CAP2: variants seen among roughly 807,000 people sequenced by gnomAD.
The protein encoded by CAP2 is cyclase associated actin cytoskeleton regulatory protein 2, also known as adenylyl cyclase-associated protein 2.
CAP2 carries 24 observed loss-of-function variants against 57.7 expected under a neutral mutation model. That is an observed-to-expected ratio of 0.42 (90% CI 0.30 to 0.58). The LOEUF (loss-of-function observed/expected upper bound fraction) is 0.58. Among genes scored for constraint, CAP2 ranks in the 20% least tolerant of loss-of-function variants. CAP2 has a pLI of 0.22. For missense variants in CAP2, 501 were observed against 590.3 expected, an observed-to-expected ratio of 0.85 and a Z score of 1.57; for synonymous variants, 194 against 207.2, an observed-to-expected ratio of 0.94 and a Z score of 0.55.
In CAP2 at chr6:17,509,016, A is replaced by G. The variant is rs553341408; in HGVS notation, c.530+1290A>G. 2.0e-5 allele frequency among the ~76,000 whole-genome samples: 3 copies of G among 152,066 alleles called. No homozygotes were observed. The South Asian group carries it at 6.2e-4, about 32-fold the overall frequency. ...GTGATCCGCCCACCTCAGCCTCCCA[A>G]AGTGTTGGGATTGTAGGCATGAGCC... On this transcript the variant is annotated intron_variant, in intron 6 of 12. Coordinates refer to ENST00000229922, the MANE Select transcript of CAP2 (RefSeq NM_006366.3).
At chr6:17,426,774 CTTTA>C (rs1759602817) in intron 3 of CAP2, 84 bp downstream of exon 3, 2 of 874,766 alleles carry the variant, frequency 2.3e-6, no homozygotes, top group Non-Finnish European at 1.9e-6. Flanking sequence ...CTGAGGAGAT[CTTTA>C]TTTATTTATT....
At chr6:17,454,187 G>A (rs1282641733) in intron 3 of CAP2, among the ~76,000 whole-genome samples, 2 of 151,898 alleles carry the variant, frequency 1.3e-5, no homozygotes, top group African/African-American at 4.8e-5. Flanking sequence ...TGGGATTACG[G>A]GCATGAGCCA....
At chr6:17,492,158 C>T (rs1324714566) in intron 4 of CAP2, among the ~76,000 whole-genome samples, 2 of 152,220 alleles carry the variant, frequency 1.3e-5, no homozygotes, top group African/African-American at 2.4e-5. Flanking sequence ...ATCTTAGAAA[C>T]GCAGAGAAAT....
chr6:17,482,674 T>C (rs1271865280), intron 4 of CAP2, among the ~76,000 whole-genome samples: 3 of 152,188 alleles, frequency 2.0e-5, no homozygotes, highest in African/African-American at 7.2e-5. Flanking sequence ...ACTCCGTCTT[T>C]ATGTTCACGT....
rs756523139 is a variant in CAP2, at chr6:17,513,913, A to G, written c.595A>G (p.Ile199Val). The G allele has an allele frequency of 6.2e-7, 1 of 1,613,762 alleles. No individual in the cohort carries two copies. The highest frequency in any genetic ancestry group is 8.5e-7 in the Non-Finnish European group (1 of 1,179,634). The change falls in exon 7 of 13, where the codon ATC becomes GTC. Residue 199 changes from isoleucine (I) to valine (V), a missense_variant. Physicochemically the swap from Ile to Val is conservative, Grantham distance 29. Transcript: ENST00000229922. The surrounding 1 kb of genome is among the most constrained non-coding windows in gnomAD (Gnocchi z 4.3). ...LNIWSELQAYIKEHHTTGLTW... is the reference protein window; with the variant it reads ...LNIWSELQAYVKEHHTTGLTW... ...CATTTGGAGTGAACTTCAAGCATAC[A>G]TCAAGGAACACCACACCACGGGCCT...
intron 4 of CAP2, among the ~76,000 whole-genome samples, chr6:17,496,481 G>T (rs553773547): frequency 2.0e-5 from 3 of 150,448 alleles, no homozygotes; most frequent in East Asian, 3.9e-4. Context: ...GCTCTGTTTT[G>T]TTTTTTTTTC....
intron 4 of CAP2, among the ~76,000 whole-genome samples, chr6:17,465,505 C>T (rs955618389): frequency 6.6e-6 from 1 of 152,218 alleles, no homozygotes; most frequent in African/African-American, 2.4e-5. Flanking sequence ...GCCTACCTCC[C>T]TTCCTGGCCC....
chr6:17,526,203 C>T (rs1762504190), intron 7 of CAP2, among the ~76,000 whole-genome samples: 1 of 151,716 alleles, frequency 6.6e-6, no homozygotes, highest in Non-Finnish European at 1.5e-5. Context: ...CTGCAACCTC[C>T]ACCTCCCGGG....
chr6:17,475,068 G>A (rs533490957), intron 4 of CAP2, among the ~76,000 whole-genome samples: 9 of 152,030 alleles, frequency 5.9e-5, no homozygotes, highest in East Asian at 1.9e-4. Context: ...GGTGACGTGC[G>A]CCTGTAATCC....
chr6:17,435,681 T>TAAAAAAAA (rs71002211), intron 3 of CAP2, among the ~76,000 whole-genome samples: 25 of 67,408 alleles, frequency 3.7e-4, no homozygotes, highest in South Asian at 7.2e-4. Flanking sequence ...TAGAGTATAA[T>TAAAAAAAA]AAAAAAAAAA....
At chr6:17,535,423 C>A (rs889755306) in intron 7 of CAP2, among the ~76,000 whole-genome samples, 1 of 152,040 alleles carries the variant, frequency 6.6e-6, no homozygotes, top group Admixed American at 6.6e-5. Flanking sequence ...TACAGGTGCC[C>A]ACCACCACGC....
At chr6:17,454,610 A>G (rs1760506954) in intron 3 of CAP2, among the ~76,000 whole-genome samples, 1 of 152,130 alleles carries the variant, frequency 6.6e-6, no homozygotes, top group Non-Finnish European at 1.5e-5. Flanking sequence ...CTTTATAAAT[A>G]CTTTTGGGTG....
chr6:17,436,546 C>T (rs1257119149), intron 3 of CAP2, among the ~76,000 whole-genome samples: 1 of 152,180 alleles, frequency 6.6e-6, no homozygotes, highest in African/African-American at 2.4e-5. Context: ...ACAGGAATCA[C>T]TGCTACCCCA....
At chr6:17,541,203 A>G (rs1581608299) in intron 9 of CAP2, 55 bp downstream of exon 9, 1 of 1,368,188 alleles carries the variant, frequency 7.3e-7, no homozygotes, top group Non-Finnish European at 1.0e-6. Flanking sequence ...GAAAGGACCA[A>G]CAGCCAAACC....
intron 4 of CAP2, among the ~76,000 whole-genome samples, chr6:17,494,949 C>G (rs1581567695): frequency 6.6e-6 from 1 of 152,028 alleles, no homozygotes; most frequent in Admixed American, 6.6e-5. Context: ...TTGTTTTGTC[C>G]CCTGCCTTTG....
At chr6:17,424,261 G>A (rs142622830) in intron 2 of CAP2, among the ~76,000 whole-genome samples, 7 of 152,022 alleles carry the variant, frequency 4.6e-5, no homozygotes, top group Non-Finnish European at 1.0e-4. Flanking sequence ...TTAGCTGGGC[G>A]TGGTGGCGGG....
At chr6:17,528,830 T>C (rs1010902889) in intron 7 of CAP2, among the ~76,000 whole-genome samples, 2 of 152,196 alleles carry the variant, frequency 1.3e-5, no homozygotes, top group Non-Finnish European at 2.9e-5. Context: ...ATTTAAAATA[T>C]TATACAGCAC....
chr6:17,520,154 C>T (rs1035224346), intron 7 of CAP2, among the ~76,000 whole-genome samples: 1 of 152,144 alleles, frequency 6.6e-6, no homozygotes, highest in African/African-American at 2.4e-5. Flanking sequence ...GATGCCCAGG[C>T]TGGAGTACAG....
chr6:17,550,108 C>T (rs919796737), intron 11 of CAP2, among the ~76,000 whole-genome samples: 1 of 152,060 alleles, frequency 6.6e-6, no homozygotes, highest in Non-Finnish European at 1.5e-5. Flanking sequence ...GTGGCTCACA[C>T]CTGTAATCCC....
Sources: gnomAD v4.1 joint callset for allele counts (sites outside exome capture counted in the v4.1 genomes callset) on GRCh38, gnomAD v4.1.1 for gene constraint, Gnocchi (gnomAD v3.1) non-coding constraint, MANE v1.5 for transcripts, NCBI Gene and HGNC (gene_info 2026-07-23, HGNC 2026-07-21) for gene names.